The following DCC variants were observed in gnomAD, a reference collection of about 807,000 sequenced individuals.
DCC encodes the protein DCC netrin 1 receptor.
A neutral mutation model predicts 172.5 loss-of-function variants in DCC; 58 were observed. That is an observed-to-expected ratio of 0.34 (90% CI 0.27 to 0.42). The LOEUF is 0.42. Ranked by LOEUF, DCC falls within the 10% of genes least tolerant of loss-of-function variation. DCC has a pLI of 1.00. For synonymous variants in DCC, 709 were observed against 644.5 expected, an observed-to-expected ratio of 1.10 and a Z score of -1.52; for missense variants, 1,740 against 1,791.0, an observed-to-expected ratio of 0.97 and a Z score of 0.51.
intron 8 of DCC, among the ~76,000 whole-genome samples, chr18:53,173,321 C>T (rs1598874139): frequency 6.6e-6 from 1 of 152,068 alleles, no homozygotes; most frequent in Non-Finnish European, 1.5e-5. Flanking sequence ...AAAAGAATGC[C>T]TAAACCTCAG....
At chr18:53,385,961 G>A in intron 15 of DCC, 82 bp from the exon 16 acceptor site, 1 of 940,518 alleles carries the variant, frequency 1.1e-6, no homozygotes, top group Middle Eastern at 2.1e-4. Context: ...TATGAAATTT[G>A]TTTTGAGGAA....
intron 1 of DCC, among the ~76,000 whole-genome samples, chr18:52,459,691 G>T (rs949613154): frequency 6.6e-6 from 1 of 151,768 alleles, no homozygotes; most frequent in African/African-American, 2.4e-5. Flanking sequence ...GGATGGTCTC[G>T]ATCTCCTGAC....
intron 2 of DCC, among the ~76,000 whole-genome samples, chr18:52,836,483 A>G (rs2038706575): frequency 6.6e-6 from 1 of 152,170 alleles, no homozygotes; most frequent in South Asian, 2.1e-4. Context: ...TTGGGTAAAT[A>G]CACCTGTTCC....
intron 1 of DCC, among the ~76,000 whole-genome samples, chr18:52,738,062 T>C (rs1473199252): frequency 2.6e-5 from 4 of 152,290 alleles, no homozygotes; most frequent in Non-Finnish European, 4.4e-5. Flanking sequence ...TAAGTATCGA[T>C]ATACCATCCT....
At chr18:52,360,765 G>A (rs1984584840) in intron 1 of DCC, among the ~76,000 whole-genome samples, 1 of 152,144 alleles carries the variant, frequency 6.6e-6, no homozygotes, top group Admixed American at 6.5e-5. Context: ...CTTTTTTGGG[G>A]AGGACAATTT....
intron 1 of DCC, among the ~76,000 whole-genome samples, chr18:52,515,982 G>A (rs2031628380): frequency 6.7e-6 from 1 of 149,508 alleles, no homozygotes; most frequent in Non-Finnish European, 1.5e-5. Flanking sequence ...TACCCAGATG[G>A]CAAGTAAACA....
At chr18:53,343,442 C>T (rs1360094031) in intron 15 of DCC, among the ~76,000 whole-genome samples, 3 of 151,372 alleles carry the variant, frequency 2.0e-5, no homozygotes, top group Admixed American at 1.3e-4. Context: ...TTTTAAAATA[C>T]GGTGAATTAC....
chr18:52,891,288 G>A (rs915067320), intron 2 of DCC, among the ~76,000 whole-genome samples: 12 of 152,002 alleles, frequency 7.9e-5, no homozygotes, highest in Non-Finnish European at 1.8e-4. Context: ...CTCCCTTAGG[G>A]CAATGATGGG....
At chr18:52,375,041 G>T (rs1481351919) in intron 1 of DCC, among the ~76,000 whole-genome samples, 3 of 152,212 alleles carry the variant, frequency 2.0e-5, no homozygotes, top group Admixed American at 6.5e-5. Context: ...TGGCTGAAAG[G>T]CTGAAGGAGC....
chr18:53,033,069 C>G (rs2042046390), intron 5 of DCC, among the ~76,000 whole-genome samples: 1 of 152,070 alleles, frequency 6.6e-6, no homozygotes, highest in East Asian at 1.9e-4. Flanking sequence ...GGTTCTGTGA[C>G]AAGTGACTGA....
chr18:53,001,530 A>G (rs2041564295), intron 5 of DCC, among the ~76,000 whole-genome samples: 1 of 152,100 alleles, frequency 6.6e-6, no homozygotes. Flanking sequence ...TCACTTTTGC[A>G]TTTGAAAATA....
chr18:53,255,040 T>C (rs2056488017), intron 12 of DCC, among the ~76,000 whole-genome samples: 1 of 151,926 alleles, frequency 6.6e-6, no homozygotes, highest in Admixed American at 6.6e-5. Context: ...TTGGAAACAA[T>C]GAGTCAGCTA....
intron 2 of DCC, among the ~76,000 whole-genome samples, chr18:52,792,657 A>G (rs2145208388): frequency 6.6e-6 from 1 of 152,086 alleles, no homozygotes; most frequent in African/African-American, 2.4e-5. Context: ...GTCTTTAAGA[A>G]TGGCAGGCAT....
intron 5 of DCC, among the ~76,000 whole-genome samples, chr18:52,973,087 A>G (rs531263879): frequency 6.6e-6 from 1 of 152,228 alleles, no homozygotes; most frequent in Non-Finnish European, 1.5e-5. Context: ...AGAACCTAGT[A>G]GATATTCAAT....
chr18:52,677,364 G>T (rs1239903359), intron 1 of DCC, among the ~76,000 whole-genome samples: 2 of 152,034 alleles, frequency 1.3e-5, no homozygotes, highest in African/African-American at 4.8e-5. Flanking sequence ...TTGTTCTTGA[G>T]GCTGTTGTGA....
At chr18:52,863,480 C>G (rs920823190) in intron 2 of DCC, among the ~76,000 whole-genome samples, 2 of 151,688 alleles carry the variant, frequency 1.3e-5, no homozygotes, top group Non-Finnish European at 2.9e-5. Context: ...ACCTACATAA[C>G]TTTTGTTTTT....
intron 2 of DCC, among the ~76,000 whole-genome samples, chr18:52,889,712 AATT>A (rs2039621230): frequency 6.6e-6 from 1 of 152,128 alleles, no homozygotes. Flanking sequence ...TTAGGGTTGA[AATT>A]ATTATAAGTT....
chr18:52,806,456 C>T (rs532064432), intron 2 of DCC, among the ~76,000 whole-genome samples: 59 of 152,228 alleles, frequency 3.9e-4, no homozygotes, highest in Non-Finnish European at 7.1e-4. Context: ...GGGTCTTTAC[C>T]TTTTTAGTGC....
chr18:52,781,870 G>GTT (rs547253621), intron 2 of DCC, among the ~76,000 whole-genome samples: 7,595 of 151,730 alleles, frequency 0.05, 255 homozygotes, highest in South Asian at 0.16. Context: ...ATATTACTTT[G>GTT]TTTTTTTTAT....
Sources: gnomAD v4.1 joint callset for allele counts (sites outside exome capture counted in the v4.1 genomes callset) on GRCh38, gnomAD v4.1.1 for gene constraint, MANE v1.5 for transcripts, NCBI Gene and HGNC (gene_info 2026-07-23, HGNC 2026-07-21) for gene names.